The following PARP1 variants were observed in gnomAD, a reference collection of about 807,000 sequenced individuals.
PARP1 encodes poly [ADP-ribose] polymerase 1.
In PARP1, 44 loss-of-function variants were observed where a neutral mutation model predicts 118.7. The ratio of observed to expected loss-of-function variants is 0.37; its 90% CI spans 0.29 to 0.48. The LOEUF (loss-of-function observed/expected upper bound fraction) is 0.48. Among genes scored for constraint, PARP1 ranks in the 20% least tolerant of loss-of-function variants. PARP1 has a pLI of 0.99. For missense variants in PARP1, 1,100 were observed against 1,272.4 expected (o/e 0.86, Z 2.06); for synonymous variants, 492 against 483.2 (o/e 1.02, Z -0.24).
At position 226,370,340 on chromosome 1, in the gene PARP1, C is replaced by T. The variant is rs975593368; in HGVS notation, c.2154+94G>A. On this transcript the variant is annotated intron_variant, in intron 15 of 22. Transcript: ENST00000366794. Reference sequence around the variant, plus strand: ...CAGTTCAGTACTTCCAGTTTCTTAACCTTGAGTAAATGTTACCCCTGCCAC... The same window carrying T: ...CAGTTCAGTACTTCCAGTTTCTTAATCTTGAGTAAATGTTACCCCTGCCAC... 5.5e-6 allele frequency: 5 copies of T among 912,096 alleles called. No homozygotes were observed. In the African/African-American group the frequency reaches 6.5e-5, roughly 12 times the overall value. 56.5% of individuals were successfully genotyped at this position (912,096 alleles called of 1,614,324 possible). A position where few individuals can be genotyped will look rare whatever the true frequency, so the allele number is the denominator to read the frequency against.
At chr1:226,379,005 T>C in intron 12 of PARP1, 137 bp downstream of exon 12, 1 of 1,037,762 alleles carries the variant, frequency 9.6e-7, no homozygotes, top group Non-Finnish European at 1.5e-6. Flanking sequence ...CCTTATAATT[T>C]GTTTTTGATC....
At chr1:226,379,842 G>C in intron 10 of PARP1, 80 bp downstream of exon 10, 1 of 1,603,260 alleles carries the variant, frequency 6.2e-7, no homozygotes, top group Non-Finnish European at 8.5e-7. Flanking sequence ...GGGACACAAA[G>C]GGAGAGGTTC....
chr1:226,404,616 G>C (rs186291879), intron 1 of PARP1, among the ~76,000 whole-genome samples: 13 of 152,326 alleles, frequency 8.5e-5, no homozygotes, highest in Admixed American at 5.2e-4. Flanking sequence ...AAGCTTAGAG[G>C]ACAAGAGCCT....
intron 22 of PARP1, 33 bp from the exon 23 acceptor site, chr1:226,361,574 A>T (rs1558232067): frequency 1.4e-6 from 2 of 1,449,594 alleles, no homozygotes; most frequent in Non-Finnish European, 1.9e-6. Flanking sequence ...GCCAACAGCC[A>T]TACAACAGAG....
At chr1:226,364,175 T>C in intron 19 of PARP1, 105 bp from the exon 20 acceptor site, 1 of 1,070,508 alleles carries the variant, frequency 9.3e-7, no homozygotes, top group Non-Finnish European at 1.4e-6. Flanking sequence ...AGTGCTGCAA[T>C]CCATCACTTC....
intron 21 of PARP1, 30 bp downstream of exon 21, chr1:226,363,069 G>A (rs780648460): frequency 3.2e-6 from 5 of 1,567,596 alleles, no homozygotes; most frequent in Non-Finnish European, 3.5e-6. Context: ...GGTGCCTCGG[G>A]CTGTAGCAAC....
chr1:226,383,745 T>C lies in PARP1; in HGVS notation c.1012-562A>G, dbSNP rs373068168. ...CATCAGCACAATTCACTCTTCACTC[T>C]GACTGATTTACAAGGGGCCTTGCTC... On this transcript the variant is annotated intron_variant, in intron 7 of 22. Coordinates refer to ENST00000366794, the MANE Select transcript of PARP1 (RefSeq NM_001618.4). Among the ~76,000 whole-genome samples the C allele has an allele frequency of 2.0e-5, 3 of 152,248 alleles. No individual in the cohort carries two copies. In the East Asian group the frequency reaches 5.8e-4, roughly 29 times the overall value.
Position 226,379,939 on chromosome 1 carries a change from C to A in PARP1, c.1526G>T (p.Gly509Val), listed in dbSNP as rs2102735372. ...SGAALSKKSK[G>V]QVKEEGINKS... is the part of the protein sequence containing the mutation. Reference sequence around the variant, plus strand: ...GCCCTCACCTTCCTCCTTGACCTGGCCCTTGCTTTTTTTGGAGAGCGCAGC... The same window carrying A: ...GCCCTCACCTTCCTCCTTGACCTGGACCTTGCTTTTTTTGGAGAGCGCAGC... The change falls in exon 10 of 23, where the codon GGC (glycine) becomes GTC (valine). Residue 509 changes from glycine (G) to valine (V), a missense_variant. Around this residue, in one of 2 missense-constraint regions of PARP1, gnomAD observed 948 missense variants for 1,031.8 expected, o/e 0.92. Coordinates refer to ENST00000366794, the MANE Select transcript of PARP1 (RefSeq NM_001618.4). The A allele has an allele frequency of 1.2e-6, 2 of 1,614,014 alleles. No individual in the cohort carries two copies. Among genetic ancestry groups the A allele is most frequent in the Non-Finnish European group, 1.7e-6 (2 of 1,180,022 alleles).
At chr1:226,367,411 A>G (rs1664292279) in intron 17 of PARP1, 69 bp downstream of exon 17, 3 of 1,574,912 alleles carry the variant, frequency 1.9e-6, no homozygotes, top group African/African-American at 1.3e-5. Context: ...CCTAACACAC[A>G]TGGAAGTTTG....
chr1:226,406,085 CTG>C (rs565236384), intron 1 of PARP1, among the ~76,000 whole-genome samples: 130 of 152,162 alleles, frequency 8.5e-4, no homozygotes, highest in African/African-American at 2.2e-3. Context: ...CCTCTAATAA[CTG>C]TGATTTTTGT....
chr1:226,368,282 G>A lies in PARP1; in HGVS notation c.2194C>T (p.Leu732Phe), dbSNP rs1664312961. ...QGSSDSQILD[L>F]SNRFYTLIPH... ...ATCAGGGTGTAAAAGCGATTTGAGA[G>A]ATCCAGGATCTGAGAGTCGCTGCTG... Residue 732 changes from leucine to phenylalanine, a missense_variant, in exon 16 of 23, where the codon CTC (leucine) becomes TTC (phenylalanine). Transcript: ENST00000366794. The A allele has an allele frequency of 1.9e-6, 3 of 1,614,218 alleles. No homozygotes were observed. The highest frequency in any genetic ancestry group is 2.5e-6 in the Non-Finnish European group (3 of 1,180,028).
chr1:226,379,867 T>G (rs573215519), intron 10 of PARP1, 55 bp downstream of exon 10: 1 of 1,611,896 alleles, frequency 6.2e-7, no homozygotes, highest in South Asian at 1.1e-5. Flanking sequence ...GACAACAACC[T>G]GGCCACCAAT....
At chr1:226,396,345 CA>C (rs1664917125) in intron 2 of PARP1, among the ~76,000 whole-genome samples, 1 of 135,586 alleles carries the variant, frequency 7.4e-6, no homozygotes, top group Non-Finnish European at 1.6e-5. Flanking sequence ...GACCCTGTCT[CA>C]AAAAAATTTT....
intron 19 of PARP1, 147 bp from the exon 20 acceptor site, chr1:226,364,217 C>T (rs1558232940): frequency 1.3e-6 from 1 of 791,182 alleles, no homozygotes; most frequent in Non-Finnish European, 2.2e-6. Flanking sequence ...TGAGGAAATA[C>T]CAAAGTTTTA....
At chr1:226,388,448 A>C (rs1393757114) in intron 5 of PARP1, among the ~76,000 whole-genome samples, 1 of 152,250 alleles carries the variant, frequency 6.6e-6, no homozygotes, top group East Asian at 1.9e-4. Flanking sequence ...AGACACCTAC[A>C]GCCTAATGTG....
intron 15 of PARP1, among the ~76,000 whole-genome samples, chr1:226,369,002 C>T (rs917914652): frequency 2.6e-5 from 4 of 152,216 alleles, no homozygotes; most frequent in Non-Finnish European, 5.9e-5. Flanking sequence ...GGTCCGAAGC[C>T]CCACGCCTGC....
chr1:226,370,942 G>T, intron 14 of PARP1: 1 of 241,142 alleles, frequency 4.1e-6, no homozygotes, highest in South Asian at 6.0e-5. Flanking sequence ...GTTCCCACCT[G>T]GAAAAGAACC....
chr1:226,387,120 T>A (rs560816805), intron 5 of PARP1, among the ~76,000 whole-genome samples: 1 of 152,220 alleles, frequency 6.6e-6, no homozygotes, highest in African/African-American at 2.4e-5. Flanking sequence ...GTAGCTGGGA[T>A]TACAGGTGTG....
intron 2 of PARP1, among the ~76,000 whole-genome samples, chr1:226,401,345 G>C (rs1048771189): frequency 6.6e-6 from 1 of 152,228 alleles, no homozygotes; most frequent in Admixed American, 6.5e-5. Context: ...GCAGAGCAGG[G>C]CTACCCCACA....
Sources: allele counts gnomAD v4.1 joint callset (sites outside exome capture counted in the v4.1 genomes callset), GRCh38; gene constraint gnomAD v4.1.1; regional missense constraint gnomAD v4.1.1; transcripts MANE v1.5; gene names NCBI Gene and HGNC (gene_info 2026-07-23, HGNC 2026-07-21).